Variants in DHX57 observed in about 807,000 individuals in gnomAD.
DHX57 encodes the protein putative ATP-dependent RNA helicase DHX57.
In DHX57, 105 loss-of-function variants were observed where a neutral mutation model predicts 156.2. The observed-to-expected ratio is 0.67, with a 90% CI of 0.57 to 0.79. DHX57 has a LOEUF of 0.79. Ranked by LOEUF, DHX57 falls within the 30% of genes least tolerant of loss-of-function variation. The pLI is 0.00. For missense variants in DHX57, 1,847 were observed against 1,661.9 expected, an observed-to-expected ratio of 1.11 and a Z score of -1.94; for synonymous variants, 704 against 595.6, an observed-to-expected ratio of 1.18 and a Z score of -2.65.
intron 23 of DHX57, among the ~76,000 whole-genome samples, chr2:38,798,867 C>T (rs1293270533): frequency 6.6e-6 from 1 of 152,148 alleles, no homozygotes; most frequent in South Asian, 2.1e-4. Context: ...GGCTTGAACC[C>T]AGGAGGTGGA....
At chr2:38,799,937 C>T (rs964210099) in intron 23 of DHX57, among the ~76,000 whole-genome samples, 13 of 152,032 alleles carry the variant, frequency 8.6e-5, no homozygotes, top group Admixed American at 4.6e-4. Flanking sequence ...CCTGTAATCC[C>T]AGCACTTTGG....
At chr2:38,862,496 T>C in intron 3 of DHX57, 163 bp from the exon 4 acceptor site, 1 of 626,994 alleles carries the variant, frequency 1.6e-6, no homozygotes, top group Non-Finnish European at 2.4e-6. Flanking sequence ...CAATTAACAT[T>C]TACCAGGCAT....
At position 38,847,071 on chromosome 2, in the gene DHX57, G is replaced by T; in HGVS notation, c.2167C>A (p.Arg723Ser). Residue 723 changes from arginine (R) to serine (S), a missense_variant and splice_region_variant, in exon 11 of 24, where the codon CGT becomes AGT. Coordinates refer to ENST00000457308, the MANE Select transcript of DHX57 (RefSeq NM_198963.3). ...NSCPVITIPG[R>S]TFPVDQFFLE... is the part of the protein sequence containing the mutation. ...AAAAATTGATCAACAGGAAATGTACGACCTAGAAAAACAAGGAGACAAAAT... is the reference window on the plus strand; with the variant it reads ...AAAAATTGATCAACAGGAAATGTACTACCTAGAAAAACAAGGAGACAAAAT... 6.2e-7 allele frequency: 1 copy of T among 1,612,804 alleles called. No individual in the cohort carries two copies. Among genetic ancestry groups the T allele is most frequent in the Non-Finnish European group, 8.5e-7 (1 of 1,179,234 alleles).
Position 38,823,000 on chromosome 2 carries a change from G to T in DHX57, c.3284C>A (p.Ser1095Tyr). The change falls in exon 17 of 24, where the codon TCT becomes TAT. Residue 1095 changes from serine to tyrosine, a missense_variant. Coordinates refer to ENST00000457308, the MANE Select transcript of DHX57 (RefSeq NM_198963.3). Reference sequence around the variant, plus strand: ...TGAATGTTGTTTACTTACAAACGGAGACTTAAAAGCCAAACTGGCAGCAAT... The same window carrying T: ...TGAATGTTGTTTACTTACAAACGGATACTTAAAAGCCAAACTGGCAGCAAT... ...LTIAASLAFK[S>Y]PFVSPWDKKE... is the part of the protein sequence containing the mutation. 1 of 1,613,836 alleles carries T rather than the reference G, an allele frequency of 6.2e-7. No individual in the cohort carries two copies. The highest frequency in any genetic ancestry group is 1.1e-5 in the South Asian group (1 of 91,048).
chr2:38,873,929 G>A (rs999372808), intron 1 of DHX57, among the ~76,000 whole-genome samples: 19 of 152,106 alleles, frequency 1.2e-4, no homozygotes, highest in African/African-American at 4.3e-4. Context: ...CCATGAAATA[G>A]TCATCCCTCG....
intron 21 of DHX57, among the ~76,000 whole-genome samples, chr2:38,812,808 C>T (rs1009287214): frequency 7.2e-5 from 11 of 152,072 alleles, no homozygotes; most frequent in South Asian, 4.2e-4. Flanking sequence ...GCTTGGATTA[C>T]AGGCGTGAGC....
At chr2:38,845,100 G>A (rs1029452791) in intron 11 of DHX57, among the ~76,000 whole-genome samples, 2 of 152,056 alleles carry the variant, frequency 1.3e-5, no homozygotes, top group African/African-American at 4.8e-5. Context: ...AGTATTCTGA[G>A]GTAACAGGAT....
In DHX57 at chr2:38,848,376, T is replaced by C; in HGVS notation, c.2057A>G (p.Asp686Gly). 6.2e-7 allele frequency: 1 copy of C among 1,606,044 alleles called. No homozygotes were observed. The highest frequency in any genetic ancestry group is 8.5e-7 in the Non-Finnish European group (1 of 1,177,054). The change falls in exon 10 of 24, where the codon GAC (aspartate) becomes GGC (glycine). Residue 686 changes from aspartate to glycine, a missense_variant. Transcript: ENST00000457308. The part of the protein sequence containing the change: ...ESDFLLLVLK[D>G]IVSQRPGLQV... Reference sequence around the variant, plus strand: ...AAGACCTGGCCTCTGCGATACAATGTCCTTCAAAACTAGCAGCAAGAAGTC... The same window carrying C: ...AAGACCTGGCCTCTGCGATACAATGCCCTTCAAAACTAGCAGCAAGAAGTC...
At chr2:38,866,596 A>G (rs184084706) in intron 2 of DHX57, among the ~76,000 whole-genome samples, 1 of 152,304 alleles carries the variant, frequency 6.6e-6, no homozygotes, top group Admixed American at 6.5e-5. Context: ...ATCCCATTCT[A>G]TCTAGATAAG....
rs762660900 is a variant in DHX57 at position 38,826,505 on chromosome 2, A to G, written c.2813+11T>C. On this transcript the variant is annotated intron_variant, in intron 15 of 23. Transcript: ENST00000457308. ...TTAGCCCCTCTCTTACATCACCACA[A>G]GACGGAATACCTCTTTTCTTTCATT... is the stretch of plus-strand genomic sequence containing the variant. 6.8e-6 allele frequency: 11 copies of G among 1,612,382 alleles called. No individual in the cohort carries two copies. The South Asian group carries it at 1.1e-4, about 16-fold the overall frequency.
Position 38,819,088 on chromosome 2 carries a change from G to T in DHX57, c.3348C>A (p.Phe1116Leu). The T allele has an allele frequency of 6.2e-7, 1 of 1,614,132 alleles. No homozygotes were observed. The highest frequency in any genetic ancestry group is 8.5e-7 in the Non-Finnish European group (1 of 1,180,032). The change falls in exon 18 of 24, where the codon TTC (phenylalanine) becomes TTA (leucine). Residue 1116 changes from phenylalanine to leucine, a missense_variant. Coordinates refer to ENST00000457308, the MANE Select transcript of DHX57 (RefSeq NM_198963.3). ...EANQKKLEFA[F>L]ANSDYLALLQ... Reference sequence around the variant, plus strand: ...GAAGGGCCAGATAATCACTGTTTGCGAATGCAAATTCCAGCTTTTTCTGGT... The same window carrying T: ...GAAGGGCCAGATAATCACTGTTTGCTAATGCAAATTCCAGCTTTTTCTGGT...
chr2:38,824,892 G>A (rs1406627034), intron 16 of DHX57, among the ~76,000 whole-genome samples: 1 of 151,970 alleles, frequency 6.6e-6, no homozygotes, highest in African/African-American at 2.4e-5. Context: ...CAGGTGATCT[G>A]CCTGCCCCAG....
At chr2:38,855,324 G>A (rs1672843946) in intron 7 of DHX57, 72 bp from the exon 8 acceptor site, 3 of 1,468,202 alleles carry the variant, frequency 2.0e-6, no homozygotes, top group Non-Finnish European at 9.5e-7. Context: ...CAATCATATG[G>A]AATGAGAAAA....
At chr2:38,842,970 G>A in intron 12 of DHX57, 35 bp downstream of exon 12, 1 of 1,589,956 alleles carries the variant, frequency 6.3e-7, no homozygotes, top group East Asian at 2.2e-5. Context: ...GAAATCTTTG[G>A]CATAATTATA....
In DHX57 at chr2:38,823,256, C is replaced by T. The variant is rs776856091; in HGVS notation, c.3028G>A (p.Glu1010Lys). 1.2e-6 allele frequency: 2 copies of T among 1,610,928 alleles called. No homozygotes were observed. Among genetic ancestry groups the T allele is most frequent in the Non-Finnish European group, 1.7e-6 (2 of 1,177,614 alleles). ...TGGAGATTATGAGCACTAAACATCT[C>T]TAAAATTTTAATTCTGAAAAGGAAA... Reference protein sequence around the residue: ...EQLCLRIKILEMFSAHNLQSV... With the variant: ...EQLCLRIKILKMFSAHNLQSV... The change falls in exon 17 of 24, where the codon GAG becomes AAG. Residue 1010 changes from glutamate (E) to lysine (K), a missense_variant. By Grantham distance (56) the Glu-to-Lys change is moderately conservative. Transcript: ENST00000457308.
rs369516496 is a variant in DHX57 at position 38,848,254 on chromosome 2, A to T, written c.2164+15T>A. ...TTATTAGAATGATACATATTTAATG[A>T]TGCATTTTATTCACCTGGTATAGTA... is the stretch of plus-strand genomic sequence containing the variant. On this transcript the variant is annotated intron_variant, in intron 10 of 23. Transcript: ENST00000457308. The T allele has an allele frequency of 6.4e-7, 1 of 1,569,478 alleles. No individual in the cohort carries two copies. The highest frequency in any genetic ancestry group is 1.4e-5 in the African/African-American group (1 of 72,530).
chr2:38,826,789 T>C, intron 14 of DHX57, 100 bp from the exon 15 acceptor site: 1 of 1,270,604 alleles, frequency 7.9e-7, no homozygotes, highest in Non-Finnish European at 1.1e-6. Flanking sequence ...TGACTTCAGG[T>C]ATTAGCAACT....
intron 10 of DHX57, among the ~76,000 whole-genome samples, chr2:38,847,365 T>G (rs1672343602): frequency 6.6e-6 from 1 of 152,194 alleles, no homozygotes; most frequent in African/African-American, 2.4e-5. Flanking sequence ...ACTTCCACCA[T>G]AGAGGACCTT....
intron 1 of DHX57, among the ~76,000 whole-genome samples, chr2:38,873,473 T>C (rs1200796028): frequency 6.6e-6 from 1 of 152,176 alleles, no homozygotes; most frequent in Non-Finnish European, 1.5e-5. Context: ...GTATTCAGAG[T>C]TTATCTTAAG....
Sources: gnomAD v4.1 joint callset for allele counts (sites outside exome capture counted in the v4.1 genomes callset) on GRCh38, gnomAD v4.1.1 for gene constraint, MANE v1.5 for transcripts, NCBI Gene and HGNC (gene_info 2026-07-23, HGNC 2026-07-21) for gene names.